Variants in WT1 observed in about 807,000 individuals in gnomAD.
The protein encoded by WT1 is Wilms tumor protein.
A neutral mutation model predicts 60.8 loss-of-function variants in WT1; 8 were observed. The observed-to-expected ratio is 0.13, with a 90% CI of 0.08 to 0.24. The LOEUF is 0.24. Ranked by LOEUF, WT1 falls within the 10% of genes least tolerant of loss-of-function variation. The pLI, the probability that WT1 is intolerant of heterozygous loss-of-function variation, is 1.00. For missense variants in WT1, 568 were observed against 711.8 expected, an observed-to-expected ratio of 0.80 and a Z score of 2.30; for synonymous variants, 312 against 297.1, an observed-to-expected ratio of 1.05 and a Z score of -0.52.
intron 3 of WT1, among the ~76,000 whole-genome samples, chr11:32,420,146 A>T (rs1339911297): frequency 6.6e-6 from 1 of 152,230 alleles, no homozygotes; most frequent in African/African-American, 2.4e-5. Context: ...CATTAAAATG[A>T]TAAGATTTTT....
intron 3 of WT1, among the ~76,000 whole-genome samples, chr11:32,425,618 G>A (rs1460345145): frequency 6.6e-6 from 1 of 152,178 alleles, no homozygotes; most frequent in East Asian, 1.9e-4. Context: ...GAATGGAAAT[G>A]TTAATTTAGA....
intron 5 of WT1, 119 bp downstream of exon 5, chr11:32,416,371 T>A: frequency 7.8e-7 from 1 of 1,275,724 alleles, no homozygotes; most frequent in South Asian, 1.2e-5. Flanking sequence ...AGAGAGATTC[T>A]TCCCATCCAC....
intron 7 of WT1, among the ~76,000 whole-genome samples, chr11:32,395,552 A>T (rs574690394): frequency 6.6e-6 from 1 of 150,892 alleles, no homozygotes; most frequent in African/African-American, 2.4e-5. Flanking sequence ...GCTCACTGCA[A>T]CCTCTGCCTC....
Position 32,434,833 on chromosome 11 carries a change from T to C in WT1, c.528A>G (p.Thr176=), listed in dbSNP as rs1190191686. 1 of 1,612,504 alleles carries C rather than the reference T, an allele frequency of 6.2e-7. No individual in the cohort carries two copies. Among genetic ancestry groups the C allele is most frequent in the Admixed American group, 1.7e-5 (1 of 59,984 alleles). Residue 176 remains threonine, a synonymous_variant, in exon 1 of 10, where the codon ACA becomes ACG. Transcript: ENST00000452863. ...AGGGCCCGTAGCGACAGGCTCCGGC[T>C]GTGCCAGTGAACTGGCCGGAAAAGT...
At chr11:32,400,337 T>G (rs995554255) in intron 5 of WT1, 4 of 483,998 alleles carry the variant, frequency 8.3e-6, no homozygotes, top group African/African-American at 2.0e-5. Flanking sequence ...TGGCAGGGTT[T>G]CATCCTCGGC....
Position 32,416,475 on chromosome 11 carries a change from G to A in WT1, c.1016+15C>T, listed in dbSNP as rs752756426. Reference sequence around the variant, plus strand: ...CTACGCCATTTGCTTTGCCATCTCCGCATTGTCCACTCACTTGCTCTGCCC... The same window carrying A: ...CTACGCCATTTGCTTTGCCATCTCCACATTGTCCACTCACTTGCTCTGCCC... On this transcript the variant is annotated intron_variant, in intron 5 of 9. Transcript: ENST00000452863. 6.6e-5 allele frequency: 107 copies of A among 1,613,842 alleles called. No individual in the cohort carries two copies. The highest frequency in any genetic ancestry group is 7.9e-5 in the Non-Finnish European group (93 of 1,179,956).
chr11:32,389,773 T>C (rs750998071), intron 9 of WT1, among the ~76,000 whole-genome samples: 1 of 152,046 alleles, frequency 6.6e-6, no homozygotes, highest in Non-Finnish European at 1.5e-5. Flanking sequence ...GAGAGCATAA[T>C]CCTGTTATAT....
chr11:32,391,490 A>T (rs2132911482), intron 9 of WT1, among the ~76,000 whole-genome samples: 1 of 152,310 alleles, frequency 6.6e-6, no homozygotes, highest in African/African-American at 2.4e-5. Context: ...AATAATATCC[A>T]CACACTGATA....
In WT1 at chr11:32,399,989, G is replaced by C. The variant is rs771117558; in HGVS notation, c.1072C>G (p.Gln358Glu). 1 of 1,614,210 alleles carries C rather than the reference G, an allele frequency of 6.2e-7. No homozygotes were observed. Among genetic ancestry groups the C allele is most frequent in the Non-Finnish European group, 8.5e-7 (1 of 1,180,040 alleles). Residue 358 changes from glutamine to glutamate, a missense_variant, in exon 6 of 10, where the codon CAA becomes GAA. By Grantham distance (29) the Gln-to-Glu change is conservative. This residue lies in a region of WT1 where 523 missense variants were observed against 565.1 expected (regional missense o/e 0.93). Transcript: ENST00000452863. ...ACACCGTGCGTGTGTATTCTGTATT[G>C]GGCTCCGCAGAGGATGGGCGTTGTG...
Position 32,428,561 on chromosome 11 carries a change from A to ATGG in WT1, c.717_719dup (p.His240dup). ...ATGAGTGGTTGGGGAACTGCGCCGC[A>ATGG]TGGTGCGAGGGCGTGTGACCGTAGC... On this transcript the variant is annotated inframe_insertion, in exon 2 of 10. Transcript: ENST00000452863. The ATGG allele has an allele frequency of 6.2e-7, 1 of 1,614,030 alleles. No homozygotes were observed. Among genetic ancestry groups the ATGG allele is most frequent in the Non-Finnish European group, 8.5e-7 (1 of 1,180,002 alleles).
In WT1 at chr11:32,435,538, C is replaced by G. The variant is rs1853495317; in HGVS notation, c.-178G>C. The stretch of plus-strand genomic sequence containing the variant: ...GCCTTGAACTCCTTACCCCAGCTGC[C>G]TGGCTGCCCTCAGCTTCCCAAAGCT... On this transcript the variant is annotated 5_prime_UTR_variant, in exon 1 of 10. Transcript: ENST00000452863. The G allele has an allele frequency of 9.9e-7, 1 of 1,014,990 alleles. No homozygotes were observed. Among genetic ancestry groups the G allele is most frequent in the East Asian group, 2.6e-5 (1 of 37,760 alleles). 62.9% of individuals were successfully genotyped at this position (1,014,990 alleles called of 1,614,324 possible).
At chr11:32,398,878 C>A (rs181403514) in intron 6 of WT1, among the ~76,000 whole-genome samples, 2 of 151,026 alleles carry the variant, frequency 1.3e-5, no homozygotes, top group Admixed American at 6.6e-5. Flanking sequence ...AAGACCGAGC[C>A]GGGCACAGTG....
chr11:32,395,510 C>A (rs1418168656), intron 7 of WT1, among the ~76,000 whole-genome samples: 1 of 149,546 alleles, frequency 6.7e-6, no homozygotes, highest in South Asian at 2.1e-4. Flanking sequence ...CTTGCTCTGT[C>A]GCCCAGGCTG....
At chr11:32,390,483 A>G (rs5030304) in intron 9 of WT1, among the ~76,000 whole-genome samples, 1,634 of 152,338 alleles carry the variant, frequency 0.011, 20 homozygotes, top group African/African-American at 0.037. Flanking sequence ...AAGGGAAGCA[A>G]GATCCCATCC....
chr11:32,396,470 T>C lies in WT1; in HGVS notation c.1114-63A>G, dbSNP rs1006185883. 14 of 1,600,122 alleles carry C rather than the reference T, an allele frequency of 8.7e-6. No individual in the cohort carries two copies. The Admixed American group carries it at 1.7e-4, about 19-fold the overall frequency. ...CACATGTGAACATTCACGTAGGTCT[T>C]GAGGGAGAGTGAGCACTGGAGTATA... On this transcript the variant is annotated intron_variant, in intron 6 of 9. Transcript: ENST00000452863.
chr11:32,434,540 C>G (rs965728770), intron 1 of WT1, among the ~76,000 whole-genome samples, 160 bp downstream of exon 1: 35 of 152,230 alleles, frequency 2.3e-4, no homozygotes, highest in Admixed American at 1.2e-3. Flanking sequence ...TCCCACTCTC[C>G]GGCCTCCTCC....
intron 3 of WT1, among the ~76,000 whole-genome samples, chr11:32,423,739 G>A (rs1027629816): frequency 3.9e-5 from 6 of 152,346 alleles, no homozygotes; most frequent in Admixed American, 2.6e-4. Flanking sequence ...TAAAATGGCA[G>A]TGATAACCTG....
intron 3 of WT1, among the ~76,000 whole-genome samples, chr11:32,421,777 A>T (rs570676685): frequency 6.6e-6 from 1 of 152,358 alleles, no homozygotes; most frequent in African/African-American, 2.4e-5. Context: ...CTTCAAACGC[A>T]TGTGTGATTC....
chr11:32,397,986 T>TA (rs1429409809), intron 6 of WT1, among the ~76,000 whole-genome samples: 1 of 152,194 alleles, frequency 6.6e-6, no homozygotes, highest in African/African-American at 2.4e-5. Context: ...CCATTTCCCT[T>TA]AATTCATCCT....
Sources: gnomAD v4.1 joint callset for allele counts (sites outside exome capture counted in the v4.1 genomes callset) on GRCh38, gnomAD v4.1.1 for gene constraint, gnomAD v4.1.1 regional missense constraint, MANE v1.5 for transcripts, NCBI Gene and HGNC (gene_info 2026-07-23, HGNC 2026-07-21) for gene names.